MYO19: variants seen among roughly 807,000 people sequenced by gnomAD.
MYO19 encodes unconventional myosin-XIX.
Under a neutral mutation model 129.2 loss-of-function variants are expected in MYO19, and 132 were observed. The ratio of observed to expected loss-of-function variants is 1.02; its 90% CI spans 0.89 to 1.18. The LOEUF (loss-of-function observed/expected upper bound fraction) is 1.18, where lower values mean the gene tolerates loss of function less well. Among genes scored for constraint, MYO19 ranks in the 50% most tolerant of loss-of-function variants. The pLI is 0.00. For synonymous variants in MYO19, 531 were observed against 477.2 expected, an observed-to-expected ratio of 1.11 and a Z score of -1.47; for missense variants, 1,210 against 1,216.7, an observed-to-expected ratio of 0.99 and a Z score of 0.08.
chr17:36,528,520 A>C (rs2073631654), intron 3 of MYO19, among the ~76,000 whole-genome samples: 1 of 151,862 alleles, frequency 6.6e-6, no homozygotes, highest in South Asian at 2.1e-4. Context: ...CAAAAAAAAA[A>C]AAAACCAAAA....
In MYO19 at chr17:36,507,859, A is replaced by G; in HGVS notation, c.1297T>C (p.Tyr433His). ...DNSLEQLCIN[Y>H]ANEKLQQHFV... ...TGCTGCTGCAGCTTCTCATTGGCGT[A>G]GTTGATGCACAACTGTTCCAGACTG... Residue 433 changes from tyrosine (Y) to histidine (H), a missense_variant, in exon 15 of 26, where the codon TAC becomes CAC. Tyr to His is a moderately conservative substitution (Grantham distance 83). Coordinates refer to ENST00000614623, the MANE Select transcript of MYO19 (RefSeq NM_001163735.2). 1 of 1,613,788 alleles carries G rather than the reference A, an allele frequency of 6.2e-7. No homozygotes were observed. Among genetic ancestry groups the G allele is most frequent in the Non-Finnish European group, 8.5e-7 (1 of 1,179,746 alleles).
In MYO19 at chr17:36,513,787, G is replaced by A. The variant is rs1202522688; in HGVS notation, c.721-62C>T. 10 of 1,400,298 alleles carry A rather than the reference G, an allele frequency of 7.1e-6. No homozygotes were observed. The East Asian group carries it at 2.4e-4, about 33-fold the overall frequency. The allele number at this position is 1,400,298 out of a possible 1,614,324, so 86.7% of individuals were successfully genotyped here. A position where few individuals can be genotyped will look rare whatever the true frequency, so the allele number is the denominator to read the frequency against. On this transcript the variant is annotated intron_variant, in intron 9 of 25. Coordinates refer to ENST00000614623, the MANE Select transcript of MYO19 (RefSeq NM_001163735.2). ...TCTGAGAAAAGCCCAGGCCTGCATA[G>A]GCAGGCATGGGGTTGGGATAAGAGG...
chr17:36,530,399 AG>A (rs979782768), intron 3 of MYO19, among the ~76,000 whole-genome samples: 1 of 151,870 alleles, frequency 6.6e-6, no homozygotes, highest in Non-Finnish European at 1.5e-5. Flanking sequence ...GGATTTAGAA[AG>A]GCCATCTGGA....
upstream of MYO19, among the ~76,000 whole-genome samples, chr17:36,544,271 A>G (rs12941866): frequency 0.38 from 57,954 of 152,064 alleles, 11,452 homozygotes; most frequent in Middle Eastern, 0.47. Flanking sequence ...ACCACAAGCT[A>G]TCAGCACTTC....
intron 2 of MYO19, 139 bp from the exon 3 acceptor site, chr17:36,532,820 C>T (rs2073904838): frequency 1.8e-6 from 1 of 543,132 alleles, no homozygotes; most frequent in Non-Finnish European, 3.3e-6. Flanking sequence ...CCTGTCCTTT[C>T]CCTTGCCAAT....
rs139027463 is a variant in MYO19, at chr17:36,510,086, G to C, written c.1157+660C>G. Among the ~76,000 whole-genome samples the C allele has an allele frequency of 2.3e-3, 356 of 152,364 alleles. 2 individuals are homozygous for C. Among genetic ancestry groups the C allele is most frequent in the African/African-American group, 8.3e-3 (345 of 41,582 alleles). ...ACCCTCTCCCCAGAAAGGTGCCCAAGGTCTCATGTGCACATGCACACACAT... is the reference window on the plus strand; with the variant it reads ...ACCCTCTCCCCAGAAAGGTGCCCAACGTCTCATGTGCACATGCACACACAT... On this transcript the variant is annotated intron_variant, in intron 13 of 25. Coordinates refer to ENST00000614623, the MANE Select transcript of MYO19 (RefSeq NM_001163735.2).
In MYO19 at chr17:36,522,028, T is replaced by TCAAAAAAAAAAAAA. The variant is rs1567777190; in HGVS notation, c.414+3199_414+3200insTTTTTTTTTTTTTG. On this transcript the variant is annotated intron_variant, in intron 6 of 25. Coordinates refer to ENST00000614623, the MANE Select transcript of MYO19 (RefSeq NM_001163735.2). ...CCTGGCAACAGAGCAAGACTGTCTTTAAAAAAAAAAAAAAAAAAAGAAAAG... is the reference window on the plus strand; with the variant it reads ...CCTGGCAACAGAGCAAGACTGTCTTTCAAAAAAAAAAAAAAAAAAAAAAAAAAAAAAAAGAAAAG... Among the ~76,000 whole-genome samples, 30 of 115,022 alleles carry TCAAAAAAAAAAAAA rather than the reference T, an allele frequency of 2.6e-4. 2 individuals carry two copies. The highest frequency in any genetic ancestry group is 8.4e-4 in the South Asian group (3 of 3,572). The allele number at this position is 115,022 out of a possible 152,430, so 75.5% of individuals were successfully genotyped here.
Position 36,515,945 on chromosome 17 carries a change from T to G in MYO19, c.460A>C (p.Thr154Pro). ...TGGCTCTCCCAAGATGCAGGTGAGG[T>G]GGCCACCACAGCATAGAACTTCATT... ...CLMKFYAVVA[T>P]SPASWESHKI... Residue 154 changes from threonine (T) to proline (P), a missense_variant, in exon 7 of 26, where the codon ACC (threonine) becomes CCC (proline). Thr to Pro is a conservative substitution (Grantham distance 38, BLOSUM62 -1). Coordinates refer to ENST00000614623, the MANE Select transcript of MYO19 (RefSeq NM_001163735.2). The G allele has an allele frequency of 6.2e-7, 1 of 1,613,702 alleles. No homozygotes were observed. Among genetic ancestry groups the G allele is most frequent in the Non-Finnish European group, 8.5e-7 (1 of 1,179,774 alleles).
intron 9 of MYO19, 61 bp downstream of exon 9, chr17:36,514,385 G>T (rs367726333): frequency 8.7e-6 from 10 of 1,144,942 alleles, no homozygotes; most frequent in Middle Eastern, 2.1e-4. Flanking sequence ...GTGGGGGGTT[G>T]AAAAACACGG....
upstream of MYO19, chr17:36,536,987 A>G (rs1424141385): frequency 5.1e-6 from 5 of 977,912 alleles, no homozygotes; most frequent in Admixed American, 2.8e-5. Flanking sequence ...TTAGGGCCCA[A>G]AGTTCTGCTC....
chr17:36,505,170 T>C (rs749114224), intron 19 of MYO19, 127 bp downstream of exon 19: 2 of 863,292 alleles, frequency 2.3e-6, no homozygotes, highest in East Asian at 2.4e-5. Context: ...TCCTCTCTCA[T>C]GTCAGGCCTG....
In MYO19 at chr17:36,530,480, G is replaced by A. The variant is rs1244557110; in HGVS notation, c.12+2047C>T. Among the ~76,000 whole-genome samples, 12 of 136,446 alleles carry A rather than the reference G, an allele frequency of 8.8e-5. No individual in the cohort carries two copies. The South Asian group carries it at 9.3e-4, about 11-fold the overall frequency. 89.5% of individuals were successfully genotyped at this position (136,446 alleles called of 152,430 possible). A position where few individuals can be genotyped will look rare whatever the true frequency, so the allele number is the denominator to read the frequency against. On this transcript the variant is annotated intron_variant, in intron 3 of 25. Transcript: ENST00000614623. ...TTTTTTTTTTTTTTTTTTTTGAGACGGAGTTTCGCTCTGTCGCCCAGGCTG... is the reference window on the plus strand; with the variant it reads ...TTTTTTTTTTTTTTTTTTTTGAGACAGAGTTTCGCTCTGTCGCCCAGGCTG...
At chr17:36,532,419 G>A in intron 3 of MYO19, 108 bp downstream of exon 3, 1 of 1,307,856 alleles carries the variant, frequency 7.6e-7, no homozygotes. Flanking sequence ...GACAATTTGA[G>A]GAGAGAAAAG....
upstream of MYO19, among the ~76,000 whole-genome samples, chr17:36,536,840 G>C (rs1346904826): frequency 1.3e-5 from 2 of 152,148 alleles, no homozygotes; most frequent in Admixed American, 1.3e-4. Context: ...TTGTGAGTCT[G>C]TCTTGTACAG....
In MYO19 at chr17:36,514,934, G is replaced by A. The variant is rs918157167; in HGVS notation, c.617+179C>T. 1.1e-4 allele frequency among the ~76,000 whole-genome samples: 16 copies of A among 152,184 alleles called. 1 individual carries two copies. The highest frequency in any genetic ancestry group is 3.3e-4 in the Admixed American group (5 of 15,282). ...TGCCCCAGGGTTCCCCAAGGGGAGAGGAGCTATAGTTCTCCAGGTGCAAAG... is the reference window on the plus strand; with the variant it reads ...TGCCCCAGGGTTCCCCAAGGGGAGAAGAGCTATAGTTCTCCAGGTGCAAAG... On this transcript the variant is annotated intron_variant, in intron 8 of 25. Transcript: ENST00000614623.
upstream of MYO19, chr17:36,538,759 T>A: frequency 1.3e-6 from 1 of 758,414 alleles, no homozygotes; most frequent in Non-Finnish European, 2.1e-6. Flanking sequence ...GATGCTTAAT[T>A]ATTTTTTTTT....
intron 9 of MYO19, 69 bp from the exon 10 acceptor site, chr17:36,513,794 A>C: frequency 1.3e-5 from 18 of 1,363,678 alleles, no homozygotes; most frequent in Non-Finnish European, 1.7e-5. Flanking sequence ...ATAGGCAGGC[A>C]TGGGGTTGGG....
Position 36,498,524 on chromosome 17 carries a change from A to G in MYO19, c.2499T>C (p.Asp833=), listed in dbSNP as rs763904773. The G allele has an allele frequency of 9.9e-6, 16 of 1,613,474 alleles. No homozygotes were observed. The South Asian group carries it at 1.6e-4, about 17-fold the overall frequency. ...RMACLAAKEL[D]GVEEKHFSQA... ...GAGAGAAGTGTTTTTCTTCCACACC[A>G]TCCAGCTCTTTAGCAGCAAGGCAGG... is the stretch of plus-strand genomic sequence containing the variant. Residue 833 remains aspartate, a synonymous_variant, in exon 25 of 26, where the codon GAT becomes GAC. Transcript: ENST00000614623.
chr17:36,527,984 C>T, intron 4 of MYO19, 80 bp downstream of exon 4: 1 of 1,546,312 alleles, frequency 6.5e-7, no homozygotes. Flanking sequence ...TCCGTCTGAC[C>T]TGGAGAAGCT....
Sources: gnomAD v4.1 joint callset for allele counts (sites outside exome capture counted in the v4.1 genomes callset) on GRCh38, gnomAD v4.1.1 for gene constraint, MANE v1.5 for transcripts, NCBI Gene and HGNC (gene_info 2026-07-23, HGNC 2026-07-21) for gene names.